Variants in ADAMTS10 observed in about 807,000 individuals in gnomAD.
ADAMTS10 encodes the protein A disintegrin and metalloproteinase with thrombospondin motifs 10.
A neutral mutation model predicts 135.9 loss-of-function variants in ADAMTS10; 48 were observed. The ratio of observed to expected loss-of-function variants is 0.35; its 90% CI spans 0.28 to 0.45. The LOEUF (loss-of-function observed/expected upper bound fraction) is 0.45. Ranked by LOEUF, ADAMTS10 falls within the 20% of genes least tolerant of loss-of-function variation. The probability of loss-of-function intolerance (pLI) is 1.00; values close to 1 mark genes in which losing one functional copy is unlikely to be tolerated. For missense variants in ADAMTS10, 1,131 were observed against 1,565.2 expected, an observed-to-expected ratio of 0.72 and a Z score of 4.68; for synonymous variants, 621 against 647.5, an observed-to-expected ratio of 0.96 and a Z score of 0.62.
chr19:8,596,514 G>A lies in ADAMTS10; in HGVS notation c.1084+28C>T. 5 of 1,613,964 alleles carry A rather than the reference G, an allele frequency of 3.1e-6. No homozygotes were observed. The South Asian group carries it at 4.4e-5, about 14-fold the overall frequency. ...TCACCCCAGCCCACTGCCTTCATAG[G>A]CGCCTGAAACCTACGGGGCTCGGGT... On this transcript the variant is annotated intron_variant, in intron 9 of 25. Coordinates refer to ENST00000597188, the MANE Select transcript of ADAMTS10 (RefSeq NM_030957.4). This position sits in a 1 kb window ranked among gnomAD's most constrained non-coding sequence, Gnocchi z 7.2.
chr19:8,600,877 G>A, intron 6 of ADAMTS10, 51 bp downstream of exon 6: 1 of 1,606,186 alleles, frequency 6.2e-7, no homozygotes, highest in Non-Finnish European at 8.5e-7. Flanking sequence ...AACACTGCAG[G>A]CTGGCTCCAA....
chr19:8,591,921 C>T lies in ADAMTS10; in HGVS notation c.1733+37G>A, dbSNP rs781908958. On this transcript the variant is annotated intron_variant, in intron 14 of 25. Coordinates refer to ENST00000597188, the MANE Select transcript of ADAMTS10 (RefSeq NM_030957.4). ...GGCAGTGGGCGATGGGGGCAGGGGT[C>T]GCGCTGCCCTCCCGGGTGGGGGTCC... 12 of 1,610,506 alleles carry T rather than the reference C, an allele frequency of 7.5e-6. No individual in the cohort carries two copies. In the South Asian group the frequency reaches 9.9e-5, roughly 13 times the overall value.
chr19:8,590,266 T>G (rs566873222), intron 15 of ADAMTS10, among the ~76,000 whole-genome samples: 34 of 152,190 alleles, frequency 2.2e-4, no homozygotes, highest in African/African-American at 8.0e-4. Context: ...GAATCTTTCT[T>G]GCTTGCTTGC....
intron 15 of ADAMTS10, among the ~76,000 whole-genome samples, chr19:8,590,608 G>T (rs1213653916): frequency 6.6e-6 from 1 of 152,102 alleles, no homozygotes. Flanking sequence ...ACAGGCGCGT[G>T]CCACCACGCC....
intron 22 of ADAMTS10, 109 bp downstream of exon 22, chr19:8,586,013 A>C (rs1555736982): frequency 1.9e-6 from 3 of 1,559,398 alleles, no homozygotes; most frequent in Non-Finnish European, 2.6e-6. Flanking sequence ...GCCCACTGTC[A>C]CTCCGACTCT....
rs782470220 is a variant in ADAMTS10 at position 8,596,117 on chromosome 19, G to A, written c.1293C>T (p.Phe431=). 17 of 1,614,176 alleles carry A rather than the reference G, an allele frequency of 1.1e-5. No homozygotes were observed. The highest frequency in any genetic ancestry group is 1.6e-4 in the Middle Eastern group (1 of 6,062). Residue 431 remains phenylalanine, a synonymous_variant, in exon 11 of 26, where the codon TTC becomes TTT. Coordinates refer to ENST00000597188, the MANE Select transcript of ADAMTS10 (RefSeq NM_030957.4). This position sits in a 1 kb window ranked among gnomAD's most constrained non-coding sequence, Gnocchi z 7.2. ...AGTCACGGCTGCAGGATGACCACAC[G>A]AATGGGTTGGTCTTCATGGTAATGT... ...AAHITMKTNP[F]VWSSCSRDYI...
rs1171189464 is a variant in ADAMTS10, at chr19:8,585,086, G to A, written c.3043-32C>T. 7.3e-6 allele frequency: 11 copies of A among 1,500,562 alleles called. No homozygotes were observed. The East Asian group carries it at 2.0e-4, about 28-fold the overall frequency. The allele number at this position is 1,500,562 out of a possible 1,614,324, so 93.0% of individuals were successfully genotyped here. A position where few individuals can be genotyped will look rare whatever the true frequency, so the allele number is the denominator to read the frequency against. ...GGGGGCACCACTCAGTTGCTGCCCC[G>A]CAGCCCCTGCCCTGGCCCCCACCCC... On this transcript the variant is annotated intron_variant, in intron 24 of 25. Coordinates refer to ENST00000597188, the MANE Select transcript of ADAMTS10 (RefSeq NM_030957.4).
At position 8,580,737 on chromosome 19, in the gene ADAMTS10, C is replaced by A. The variant is rs879969197; in HGVS notation, c.*156G>T. On this transcript the variant is annotated 3_prime_UTR_variant, in exon 26 of 26. Coordinates refer to ENST00000597188, the MANE Select transcript of ADAMTS10 (RefSeq NM_030957.4). ...GATAGCCAGCCCCTCTCCATCCCCC[C>A]AGCCAGGGCCCTGCAGGGGTTCCCA... The A allele has an allele frequency of 6.1e-5, 38 of 628,010 alleles. No individual in the cohort carries two copies. Among genetic ancestry groups the A allele is most frequent in the Non-Finnish European group, 1.0e-4 (36 of 357,796 alleles). 38.9% of individuals were successfully genotyped at this position (628,010 alleles called of 1,614,324 possible). A position where few individuals can be genotyped will look rare whatever the true frequency, so the allele number is the denominator to read the frequency against.
Position 8,580,606 on chromosome 19 carries a change from C to G in ADAMTS10, c.*287G>C. 1 of 419,586 alleles carries G rather than the reference C, an allele frequency of 2.4e-6. No individual in the cohort carries two copies. The highest frequency in any genetic ancestry group is 2.1e-5 in the South Asian group (1 of 47,012). The allele number at this position is 419,586 out of a possible 1,614,324, so 26.0% of individuals were successfully genotyped here. On this transcript the variant is annotated 3_prime_UTR_variant, in exon 26 of 26. Coordinates refer to ENST00000597188, the MANE Select transcript of ADAMTS10 (RefSeq NM_030957.4). ...GTTGGGGACTCCCTAAGGGTGGGTT[C>G]AAAGGGTGCTGGGGTGAACAGCTGT...
At chr19:8,599,116 C>T (rs1340887049) in intron 6 of ADAMTS10, among the ~76,000 whole-genome samples, 1 of 152,090 alleles carries the variant, frequency 6.6e-6, no homozygotes, top group Non-Finnish European at 1.5e-5. Context: ...ACCATTATAT[C>T]TCCATTTGAT....
intron 18 of ADAMTS10, among the ~76,000 whole-genome samples, chr19:8,588,803 T>A (rs1395508683): frequency 6.6e-6 from 1 of 151,910 alleles, no homozygotes; most frequent in East Asian, 1.9e-4. Context: ...GACACTCTTT[T>A]TTTTTTGAGA....
In ADAMTS10 at chr19:8,597,012, G is replaced by C; in HGVS notation, c.1015C>G (p.His339Asp). 6.2e-7 allele frequency: 1 copy of C among 1,613,938 alleles called. No individual in the cohort carries two copies. The highest frequency in any genetic ancestry group is 8.5e-7 in the Non-Finnish European group (1 of 1,180,014). ...CGTGTGATGAGCACTGCTGTGTCATGGTTAGCCACACCGTTCTCTGGAATG... is the reference window on the plus strand; with the variant it reads ...CGTGTGATGAGCACTGCTGTGTCATCGTTAGCCACACCGTTCTCTGGAATG... Reference protein sequence around the residue: ...NAIPENGVANHDTAVLITRYD... With the variant: ...NAIPENGVANDDTAVLITRYD... Residue 339 changes from histidine to aspartate, a missense_variant, in exon 8 of 26, where the codon CAT becomes GAT. Around this residue, in one of 3 missense-constraint regions of ADAMTS10, gnomAD observed 80 missense variants for 164.4 expected, o/e 0.49. Transcript: ENST00000597188.
chr19:8,586,417 G>A lies in ADAMTS10; in HGVS notation c.2457C>T (p.Ile819=), dbSNP rs782777003. Residue 819 remains isoleucine, a synonymous_variant, in exon 21 of 26, where the codon ATC becomes ATT. Transcript: ENST00000597188. The part of the protein sequence containing the change: ...PALRYRFNAP[I]ARDSLPPYSW... The stretch of plus-strand genomic sequence containing the variant: ...AGTAGGGGGGCAGCGAGTCACGGGC[G>A]ATGGGGGCATTGAAGCGGTAGCGGA... The A allele has an allele frequency of 1.9e-5, 30 of 1,613,904 alleles. No individual in the cohort carries two copies. Among genetic ancestry groups the A allele is most frequent in the Non-Finnish European group, 1.7e-6 (2 of 1,180,016 alleles).
Position 8,589,224 on chromosome 19 carries a change from G to T in ADAMTS10, c.2158+18C>A. On this transcript the variant is annotated intron_variant, in intron 18 of 25. Transcript: ENST00000597188. Reference sequence around the variant, plus strand: ...TGGCCCATGCAGGGAGTGTGGGAGGGAAGCTGGAGACTCTCACCGGCCCCA... The same window carrying T: ...TGGCCCATGCAGGGAGTGTGGGAGGTAAGCTGGAGACTCTCACCGGCCCCA... 6.2e-7 allele frequency: 1 copy of T among 1,612,266 alleles called. No individual in the cohort carries two copies.
chr19:8,605,450 C>T lies in ADAMTS10; in HGVS notation c.89-92G>A. Reference sequence around the variant, plus strand: ...AGGCTGCTGGAGCAAGTGATGCTGGCCTCACTGACCCCCGAAATCCAGGGA... The same window carrying T: ...AGGCTGCTGGAGCAAGTGATGCTGGTCTCACTGACCCCCGAAATCCAGGGA... On this transcript the variant is annotated intron_variant, in intron 3 of 25. Transcript: ENST00000597188. The surrounding 1 kb of genome is among the most constrained non-coding windows in gnomAD (Gnocchi z 7.7). 6.8e-7 allele frequency: 1 copy of T among 1,474,850 alleles called. No homozygotes were observed. Among genetic ancestry groups the T allele is most frequent in the Admixed American group, 2.0e-5 (1 of 50,712 alleles). 91.4% of individuals were successfully genotyped at this position (1,474,850 alleles called of 1,614,324 possible). A position where few individuals can be genotyped will look rare whatever the true frequency, so the allele number is the denominator to read the frequency against.
chr19:8,600,720 C>T lies in ADAMTS10; in HGVS notation c.810+208G>A, dbSNP rs7246634. On this transcript the variant is annotated intron_variant, in intron 6 of 25. Transcript: ENST00000597188. ...TCACCGTGTTAGCCAGGATGGTCTCCATCTCCTGACCTTGTGATCTGCCCG... is the reference window on the plus strand; with the variant it reads ...TCACCGTGTTAGCCAGGATGGTCTCTATCTCCTGACCTTGTGATCTGCCCG... Among the ~76,000 whole-genome samples, 12 of 151,830 alleles carry T rather than the reference C, an allele frequency of 7.9e-5. 1 individual carries two copies. Among genetic ancestry groups the T allele is most frequent in the South Asian group, 6.3e-4 (3 of 4,774 alleles).
chr19:8,593,295 A>C (rs1397877610), intron 12 of ADAMTS10: 3 of 199,020 alleles, frequency 1.5e-5, no homozygotes, highest in African/African-American at 4.7e-5. Flanking sequence ...ACTGCTGAGG[A>C]ATGAACAGGA....
intron 5 of ADAMTS10, among the ~76,000 whole-genome samples, chr19:8,603,100 C>A (rs988995360): frequency 6.6e-6 from 1 of 152,190 alleles, no homozygotes; most frequent in African/African-American, 2.4e-5. Context: ...ACCACCACAC[C>A]GTCTAACTGT....
intron 4 of ADAMTS10, 66 bp downstream of exon 4, chr19:8,604,946 G>C: frequency 6.8e-7 from 1 of 1,474,298 alleles, no homozygotes; most frequent in Non-Finnish European, 9.3e-7. Flanking sequence ...CCTCTATGTA[G>C]AAGTGTTTTT....
Sources: allele counts gnomAD v4.1 joint callset (sites outside exome capture counted in the v4.1 genomes callset), GRCh38; gene constraint gnomAD v4.1.1; regional missense constraint gnomAD v4.1.1; non-coding constraint Gnocchi (gnomAD v3.1); transcripts MANE v1.5; gene names NCBI Gene and HGNC (gene_info 2026-07-23, HGNC 2026-07-21).